The following DLG5 variants were observed in gnomAD, a reference collection of about 807,000 sequenced individuals.
The protein encoded by DLG5 is disks large homolog 5.
Under a neutral mutation model 189.8 loss-of-function variants are expected in DLG5, and 48 were observed. The ratio of observed to expected loss-of-function variants is 0.25; its 90% CI spans 0.20 to 0.32. The LOEUF is 0.32. Ranked by LOEUF, DLG5 falls within the 10% of genes least tolerant of loss-of-function variation. The pLI, the probability that DLG5 is intolerant of heterozygous loss-of-function variation, is 1.00. For synonymous variants in DLG5, 1,016 were observed against 1,054.1 expected (o/e 0.96, Z 0.70); for missense variants, 2,160 against 2,544.7 (o/e 0.85, Z 3.25).
the DLG5 span, among the ~76,000 whole-genome samples, chr10:77,936,414 G>A: frequency 7.2e-6 from 1 of 138,250 alleles, no homozygotes; most frequent in African/African-American, 2.8e-5. Flanking sequence ...CTCTAGCCTG[G>A]CAACAGAGCG....
At chr10:77,833,334 T>C (rs1326495107) in intron 9 of DLG5, among the ~76,000 whole-genome samples, 1 of 114,296 alleles carries the variant, frequency 8.7e-6, no homozygotes, top group Non-Finnish European at 1.7e-5. Flanking sequence ...TGGATGGGGG[T>C]TGCAATTGCC....
chr10:77,935,904 A>G, the DLG5 span, among the ~76,000 whole-genome samples: 1 of 152,174 alleles, frequency 6.6e-6, no homozygotes, highest in East Asian at 1.9e-4. Flanking sequence ...ATTTCCTTCC[A>G]GAGTTTCTTA....
chr10:77,793,700 G>T (rs1241873700), intron 31 of DLG5: 6 of 379,082 alleles, frequency 1.6e-5, no homozygotes, highest in Non-Finnish European at 2.9e-5. Context: ...CCCTGCCTGG[G>T]GACACTGTGG....
chr10:77,865,747 G>C (rs953331981), intron 2 of DLG5, among the ~76,000 whole-genome samples: 2 of 152,118 alleles, frequency 1.3e-5, no homozygotes, highest in African/African-American at 2.4e-5. Context: ...GGAGGGCCTC[G>C]GGGAAGCTGT....
chr10:77,828,822 C>A, intron 13 of DLG5, 60 bp downstream of exon 13: 1 of 1,568,612 alleles, frequency 6.4e-7, no homozygotes, highest in Non-Finnish European at 8.8e-7. Context: ...TTGCTCAAAC[C>A]TCCCAAATGT....
intron 1 of DLG5, among the ~76,000 whole-genome samples, chr10:77,896,686 CA>C (rs1417475140): frequency 1.3e-5 from 2 of 151,750 alleles, no homozygotes; most frequent in Non-Finnish European, 1.5e-5. Flanking sequence ...ACTAAAAATA[CA>C]AAAAAATTTG....
At chr10:77,814,501 A>ATC (rs1568135666) in intron 20 of DLG5, among the ~76,000 whole-genome samples, 1 of 113,676 alleles carries the variant, frequency 8.8e-6, no homozygotes, top group Non-Finnish European at 1.8e-5. Flanking sequence ...ATATATATAT[A>ATC]TATATCCAAA....
Position 77,805,875 on chromosome 10 carries a change from G to A in DLG5, c.4968-14C>T. ...TCTTGGTCCATCCTGTGGCACAGGG[G>A]ACAATGCTGGGCAGGGCCATCGAGA... On this transcript the variant is annotated splice_polypyrimidine_tract_variant and intron_variant, in intron 26 of 31. Transcript: ENST00000372391. 6.2e-7 allele frequency: 1 copy of A among 1,606,768 alleles called. No individual in the cohort carries two copies. The highest frequency in any genetic ancestry group is 8.5e-7 in the Non-Finnish European group (1 of 1,174,502).
Position 77,867,539 on chromosome 10 carries a change from C to T in DLG5, c.373+1590G>A, listed in dbSNP as rs562304137. ...TCCCATCATTCCATTGATATGTCTC[C>T]GGGCACCAAAAGCAGGCAGAACAAA... On this transcript the variant is annotated intron_variant, in intron 2 of 31. Coordinates refer to ENST00000372391, the MANE Select transcript of DLG5 (RefSeq NM_004747.4). Among the ~76,000 whole-genome samples the T allele has an allele frequency of 3.0e-4, 46 of 152,252 alleles. No individual in the cohort carries two copies. The South Asian group carries it at 7.1e-3, about 23-fold the overall frequency.
At chr10:77,852,578 G>A (rs1349616045) in intron 5 of DLG5, among the ~76,000 whole-genome samples, 1 of 151,820 alleles carries the variant, frequency 6.6e-6, no homozygotes, top group East Asian at 2.0e-4. Context: ...ACCACGCCCG[G>A]CTAATTTTTT....
the DLG5 span, among the ~76,000 whole-genome samples, chr10:77,934,654 C>A: frequency 1.3e-5 from 2 of 152,110 alleles, no homozygotes; most frequent in South Asian, 2.1e-4. Context: ...CTCACTCTTA[C>A]AATCACAAGG....
Position 77,853,432 on chromosome 10 carries a change from C to A in DLG5, c.786G>T (p.Gln262His). Residue 262 changes from glutamine to histidine, a missense_variant, in exon 5 of 32, where the codon CAG becomes CAT. Physicochemically the swap from Gln to His is conservative, Grantham distance 24. Around this residue, in one of 5 missense-constraint regions of DLG5, gnomAD observed 664 missense variants for 838.5 expected, o/e 0.79. Coordinates refer to ENST00000372391, the MANE Select transcript of DLG5 (RefSeq NM_004747.4). ...GCCGCTTCATGTCCTCCCATGACTGCTGCAGCAGGTTTCGCTCCCGCAGCA... is the reference window on the plus strand; with the variant it reads ...GCCGCTTCATGTCCTCCCATGACTGATGCAGCAGGTTTCGCTCCCGCAGCA... The part of the protein sequence containing the change: ...GQLLRERNLL[Q>H]QSWEDMKRLH... 1 of 1,610,356 alleles carries A rather than the reference C, an allele frequency of 6.2e-7. No individual in the cohort carries two copies. The highest frequency in any genetic ancestry group is 8.5e-7 in the Non-Finnish European group (1 of 1,178,410).
At chr10:77,912,038 A>AT (rs200179541) in intron 1 of DLG5, among the ~76,000 whole-genome samples, 39 of 147,528 alleles carry the variant, frequency 2.6e-4, no homozygotes, top group South Asian at 1.5e-3. Context: ...ATCTCTATGA[A>AT]TTTTTTTTTT....
chr10:77,810,880 C>G (rs74140353), intron 23 of DLG5, among the ~76,000 whole-genome samples: 1,572 of 152,238 alleles, frequency 0.01, 28 homozygotes, highest in African/African-American at 0.035. Context: ...GGGGAAAAAA[C>G]AAGTCAATAG....
At chr10:77,840,483 C>T (rs1177403572) in intron 7 of DLG5, among the ~76,000 whole-genome samples, 1 of 151,458 alleles carries the variant, frequency 6.6e-6, no homozygotes, top group Non-Finnish European at 1.5e-5. Context: ...TTTGGGAGGC[C>T]GAGGCGGAAG....
the DLG5 span, among the ~76,000 whole-genome samples, chr10:77,935,876 G>A: frequency 6.6e-6 from 1 of 152,128 alleles, no homozygotes; most frequent in Non-Finnish European, 1.5e-5. Flanking sequence ...CAACATCCGA[G>A]ATGCAACATT....
At chr10:77,799,722 C>T (rs888498540) in intron 27 of DLG5, among the ~76,000 whole-genome samples, 3 of 152,150 alleles carry the variant, frequency 2.0e-5, no homozygotes, top group African/African-American at 4.8e-5. Context: ...GATCCTCCAG[C>T]CTCAGCCTCC....
At chr10:77,825,452 T>C (rs899437740) in intron 13 of DLG5, among the ~76,000 whole-genome samples, 4 of 149,578 alleles carry the variant, frequency 2.7e-5, no homozygotes, top group Non-Finnish European at 5.9e-5. Context: ...GATATTATAC[T>C]CATGCAAGGT....
intron 1 of DLG5, among the ~76,000 whole-genome samples, chr10:77,875,558 C>T (rs1845057524): frequency 6.6e-6 from 1 of 152,170 alleles, no homozygotes; most frequent in African/African-American, 2.4e-5. Context: ...CATGCCTGTG[C>T]TGCCTGCAGA....
Sources: allele counts gnomAD v4.1 joint callset (sites outside exome capture counted in the v4.1 genomes callset), GRCh38; gene constraint gnomAD v4.1.1; regional missense constraint gnomAD v4.1.1; transcripts MANE v1.5; gene names NCBI Gene and HGNC (gene_info 2026-07-23, HGNC 2026-07-21).